Variants in CNTNAP2 observed in about 807,000 individuals in gnomAD.
CNTNAP2 encodes contactin-associated protein-like 2.
Under a neutral mutation model 155.2 loss-of-function variants are expected in CNTNAP2, and 98 were observed. That is an observed-to-expected ratio of 0.63 (90% CI 0.54 to 0.75). CNTNAP2 has a LOEUF of 0.75. Ranked by LOEUF, CNTNAP2 falls within the 30% of genes least tolerant of loss-of-function variation. The pLI, the probability that CNTNAP2 is intolerant of heterozygous loss-of-function variation, is 0.00. For synonymous variants in CNTNAP2, 651 were observed against 631.2 expected, an observed-to-expected ratio of 1.03 and a Z score of -0.47; for missense variants, 1,727 against 1,688.1, an observed-to-expected ratio of 1.02 and a Z score of -0.40.
intron 12 of CNTNAP2, among the ~76,000 whole-genome samples, chr7:147,617,875 G>A (rs1264118293): frequency 6.6e-6 from 1 of 152,146 alleles, no homozygotes; most frequent in Non-Finnish European, 1.5e-5. Context: ...CTTCCTTTAA[G>A]TGGTAGGGTT....
chr7:148,167,820 T>C (rs1162728380), intron 17 of CNTNAP2, among the ~76,000 whole-genome samples: 1 of 152,146 alleles, frequency 6.6e-6, no homozygotes, highest in Non-Finnish European at 1.5e-5. Context: ...GATGGATCCA[T>C]GTAGAACCTA....
At chr7:147,867,441 T>C (rs1799253214) in intron 13 of CNTNAP2, among the ~76,000 whole-genome samples, 1 of 152,192 alleles carries the variant, frequency 6.6e-6, no homozygotes, top group Admixed American at 6.5e-5. Flanking sequence ...GTGGCTCTTC[T>C]TGAGGAGTAT....
chr7:146,984,764 T>C (rs1021959201), intron 3 of CNTNAP2, among the ~76,000 whole-genome samples: 1 of 152,208 alleles, frequency 6.6e-6, no homozygotes, highest in Non-Finnish European at 1.5e-5. Context: ...TAGGTTTTCT[T>C]TTTGAGTCCT....
chr7:148,264,141 TA>T (rs1796625427), intron 20 of CNTNAP2, among the ~76,000 whole-genome samples: 1 of 152,218 alleles, frequency 6.6e-6, no homozygotes. Context: ...ATTTAATCTT[TA>T]AAACTGTGTA....
chr7:146,289,501 G>T (rs1036748543), intron 1 of CNTNAP2, among the ~76,000 whole-genome samples: 2 of 152,066 alleles, frequency 1.3e-5, no homozygotes, highest in African/African-American at 2.4e-5. Context: ...AATTTTGAAT[G>T]AAATTATTTA....
intron 20 of CNTNAP2, among the ~76,000 whole-genome samples, chr7:148,251,336 G>A (rs776721011): frequency 6.6e-6 from 1 of 152,228 alleles, no homozygotes; most frequent in South Asian, 2.1e-4. Flanking sequence ...AGGGAGAGAT[G>A]CAGGTGGCAA....
intron 9 of CNTNAP2, among the ~76,000 whole-genome samples, chr7:147,389,525 T>A (rs541820494): frequency 1.7e-4 from 26 of 152,340 alleles, no homozygotes; most frequent in African/African-American, 6.0e-4. Context: ...AATTAAAATT[T>A]TAAAACCTTG....
At chr7:147,197,309 C>T (rs1372487381) in intron 8 of CNTNAP2, among the ~76,000 whole-genome samples, 2 of 151,976 alleles carry the variant, frequency 1.3e-5, no homozygotes, top group Non-Finnish European at 2.9e-5. Context: ...GTAAACTGGC[C>T]CTTGAGTCCC....
At chr7:146,331,302 T>G (rs1801182275) in intron 1 of CNTNAP2, among the ~76,000 whole-genome samples, 1 of 109,136 alleles carries the variant, frequency 9.2e-6, no homozygotes, top group Admixed American at 9.9e-5. Flanking sequence ...AGACTCCGTC[T>G]CAAAAAAAAA....
intron 1 of CNTNAP2, among the ~76,000 whole-genome samples, chr7:146,720,976 G>GTCTATATATAT (rs1801281827): frequency 1.0e-5 from 1 of 100,370 alleles, no homozygotes; most frequent in African/African-American, 5.2e-5. Context: ...TATATATATA[G>GTCTATATATAT]ACTATATATA....
intron 3 of CNTNAP2, among the ~76,000 whole-genome samples, chr7:146,930,862 G>T (rs1380153496): frequency 6.6e-6 from 1 of 152,102 alleles, no homozygotes; most frequent in African/African-American, 2.4e-5. Flanking sequence ...ATGGTAAAGG[G>T]ATTAATTCAA....
At chr7:147,624,280 A>G (rs1211840171) in intron 12 of CNTNAP2, among the ~76,000 whole-genome samples, 12 of 152,056 alleles carry the variant, frequency 7.9e-5, no homozygotes, top group Non-Finnish European at 1.6e-4. Flanking sequence ...TTAAAAAAAA[A>G]ACTTCTGCAC....
intron 11 of CNTNAP2, among the ~76,000 whole-genome samples, chr7:147,517,814 G>GT (rs889590873): frequency 6.8e-4 from 62 of 91,136 alleles, no homozygotes; most frequent in African/African-American, 1.4e-3. Flanking sequence ...GGAATTAACA[G>GT]TTTTTTAGCC....
At chr7:147,089,187 A>G (rs1800345584) in intron 4 of CNTNAP2, among the ~76,000 whole-genome samples, 1 of 152,158 alleles carries the variant, frequency 6.6e-6, no homozygotes, top group African/African-American at 2.4e-5. Context: ...AGAGAGAATT[A>G]TCTGTATGTT....
chr7:147,206,946 G>A (rs1396796744), intron 8 of CNTNAP2, among the ~76,000 whole-genome samples: 1 of 152,118 alleles, frequency 6.6e-6, no homozygotes, highest in Non-Finnish European at 1.5e-5. Context: ...AAAGGTGACG[G>A]AAATTACTGC....
At chr7:148,281,985 C>T (rs760482553) in intron 21 of CNTNAP2, among the ~76,000 whole-genome samples, 1 of 151,808 alleles carries the variant, frequency 6.6e-6, no homozygotes. Context: ...CCACCACACC[C>T]GGCTAATTTT....
At chr7:146,376,106 C>A (rs960012954) in intron 1 of CNTNAP2, among the ~76,000 whole-genome samples, 2 of 152,140 alleles carry the variant, frequency 1.3e-5, no homozygotes, top group Admixed American at 1.3e-4. Context: ...TTTTAGTTGG[C>A]TGCTTGCCTT....
intron 15 of CNTNAP2, among the ~76,000 whole-genome samples, chr7:148,116,258 T>C (rs906470572): frequency 1.3e-5 from 2 of 152,174 alleles, no homozygotes; most frequent in African/African-American, 2.4e-5. Context: ...GTTTATGTAT[T>C]ACCTGCGACA....
chr7:146,242,547 A>G (rs1799580200), intron 1 of CNTNAP2, among the ~76,000 whole-genome samples: 1 of 151,942 alleles, frequency 6.6e-6, no homozygotes, highest in African/African-American at 2.4e-5. Flanking sequence ...CAAAAAAAAA[A>G]AAGGAGAGAA....
Sources: gnomAD v4.1 joint callset for allele counts (sites outside exome capture counted in the v4.1 genomes callset) on GRCh38, gnomAD v4.1.1 for gene constraint, MANE v1.5 for transcripts, NCBI Gene and HGNC (gene_info 2026-07-23, HGNC 2026-07-21) for gene names.